The following SETD2 variants were observed in gnomAD, a reference collection of about 807,000 sequenced individuals.
SETD2 encodes the protein SET domain containing 2, histone lysine methyltransferase, also known as histone-lysine N-methyltransferase SETD2.
SETD2 carries 31 observed loss-of-function variants against 242.1 expected under a neutral mutation model. The observed-to-expected ratio is 0.13, with a 90% CI of 0.10 to 0.17. SETD2 has a LOEUF of 0.17. Ranked by LOEUF, SETD2 falls within the 10% of genes least tolerant of loss-of-function variation. SETD2 has a pLI of 1.00. For missense variants in SETD2, 2,481 were observed against 3,046.3 expected (o/e 0.81, Z 4.37); for synonymous variants, 1,006 against 1,066.5 (o/e 0.94, Z 1.11).
chr3:47,035,673 C>G (rs1017596617), intron 18 of SETD2, among the ~76,000 whole-genome samples: 1 of 152,160 alleles, frequency 6.6e-6, no homozygotes, highest in Non-Finnish European at 1.5e-5. Context: ...AGTTACGGTG[C>G]CCATGAACTT....
intron 9 of SETD2, among the ~76,000 whole-genome samples, chr3:47,091,222 G>C (rs924668659): frequency 1.3e-5 from 2 of 152,056 alleles, no homozygotes; most frequent in Admixed American, 6.5e-5. Flanking sequence ...CAAATTCTAC[G>C]GTATTAGATG....
intron 9 of SETD2, among the ~76,000 whole-genome samples, chr3:47,096,526 T>C (rs2042010849): frequency 1.5e-5 from 2 of 135,348 alleles, no homozygotes; most frequent in African/African-American, 6.0e-5. Context: ...GAGCTATGAA[T>C]GCATCACTGA....
chr3:47,048,868 A>T (rs1231105872), intron 15 of SETD2, among the ~76,000 whole-genome samples: 1 of 151,804 alleles, frequency 6.6e-6, no homozygotes, highest in Non-Finnish European at 1.5e-5. Context: ...GGGTTTCACC[A>T]TGTTGGCCAG....
chr3:47,123,953 G>C lies in SETD2; in HGVS notation c.683C>G (p.Pro228Arg), dbSNP rs780263835. 9.0e-6 allele frequency: 14 copies of C among 1,550,782 alleles called. No homozygotes were observed. The South Asian group carries it at 1.5e-4, about 17-fold the overall frequency. ...TCTAACTGCTACATCTACTGGTAAGGGTACTGGTGCTGCCATTAGAACTGT... is the reference window on the plus strand; with the variant it reads ...TCTAACTGCTACATCTACTGGTAAGCGTACTGGTGCTGCCATTAGAACTGT... ...PITVLMAAPV[P>R]LPVDVAVRSL... The change falls in exon 3 of 21, where the codon CCC becomes CGC. Residue 228 changes from proline to arginine, a missense_variant. Transcript: ENST00000409792.
chr3:47,076,306 T>C (rs76080338), intron 12 of SETD2, among the ~76,000 whole-genome samples: 1 of 152,088 alleles, frequency 6.6e-6, no homozygotes, highest in Non-Finnish European at 1.5e-5. Context: ...CAGAAATAAA[T>C]GGAAACCAGA....
chr3:47,154,941 C>A (rs552758263), intron 1 of SETD2, among the ~76,000 whole-genome samples: 34 of 152,058 alleles, frequency 2.2e-4, no homozygotes, highest in Non-Finnish European at 4.4e-4. Context: ...TTGCAGTGAG[C>A]CGAGATCGCA....
intron 1 of SETD2, among the ~76,000 whole-genome samples, chr3:47,153,111 A>T (rs2044034686): frequency 6.6e-6 from 1 of 150,916 alleles, no homozygotes; most frequent in Non-Finnish European, 1.5e-5. Context: ...CTTGAGACCA[A>T]GAGTTCAAGA....
chr3:47,058,457 A>AAC (rs1553684315), intron 14 of SETD2, among the ~76,000 whole-genome samples: 3 of 148,914 alleles, frequency 2.0e-5, no homozygotes, highest in African/African-American at 5.0e-5. Flanking sequence ...AAAAAAAAAA[A>AAC]AAAAAAACAC....
intron 15 of SETD2, among the ~76,000 whole-genome samples, chr3:47,048,810 G>T (rs533305925): frequency 6.6e-6 from 1 of 151,762 alleles, no homozygotes; most frequent in Non-Finnish European, 1.5e-5. Flanking sequence ...TGGGACTACA[G>T]GTGCGTGCCA....
In SETD2 at chr3:47,142,107, G is replaced by C. The variant is rs144641050; in HGVS notation, c.72-15444C>G. Among the ~76,000 whole-genome samples the C allele has an allele frequency of 2.5e-3, 379 of 152,268 alleles. 3 individuals are homozygous for C. The highest frequency in any genetic ancestry group is 8.7e-3 in the African/African-American group (363 of 41,550). ...AAATAAACTGCAAAAGGCTATCTGT[G>C]TGCTAGTAAAAGGTTGTAACAGTGA... On this transcript the variant is annotated intron_variant, in intron 1 of 20. Transcript: ENST00000409792.
chr3:47,143,875 T>C (rs2043792175), intron 1 of SETD2, among the ~76,000 whole-genome samples: 1 of 152,130 alleles, frequency 6.6e-6, no homozygotes, highest in Non-Finnish European at 1.5e-5. Context: ...CACACCCGGC[T>C]AATTTTTTGT....
chr3:47,151,316 GAAT>G (rs2043977285), intron 1 of SETD2, among the ~76,000 whole-genome samples: 1 of 151,774 alleles, frequency 6.6e-6, no homozygotes, highest in Non-Finnish European at 1.5e-5. Flanking sequence ...AAAAATTACA[GAAT>G]TATAAAAATA....
chr3:47,049,888 A>G (rs1163732804), intron 15 of SETD2, among the ~76,000 whole-genome samples: 4 of 127,048 alleles, frequency 3.1e-5, no homozygotes, highest in Admixed American at 8.7e-5. Flanking sequence ...TATAGTATAT[A>G]TTATATATAT....
intron 18 of SETD2, among the ~76,000 whole-genome samples, chr3:47,033,709 T>A (rs2038881784): frequency 7.1e-6 from 1 of 141,060 alleles, no homozygotes; most frequent in African/African-American, 2.6e-5. Context: ...TTGTCCAGGT[T>A]GGAGTGCAGT....
At chr3:47,162,790 C>T (rs1357973973) in intron 1 of SETD2, among the ~76,000 whole-genome samples, 3 of 152,156 alleles carry the variant, frequency 2.0e-5, no homozygotes, top group African/African-American at 4.8e-5. Flanking sequence ...CACCAGCAAA[C>T]GGTGTTTAAG....
intron 1 of SETD2, among the ~76,000 whole-genome samples, chr3:47,147,555 C>A (rs1325079711): frequency 6.6e-6 from 1 of 151,368 alleles, no homozygotes; most frequent in Non-Finnish European, 1.5e-5. Context: ...GTCAGGTGAT[C>A]CACCTGCCTC....
At chr3:47,023,712 C>T (rs2038343042) in intron 18 of SETD2, among the ~76,000 whole-genome samples, 1 of 151,990 alleles carries the variant, frequency 6.6e-6, no homozygotes, top group Admixed American at 6.6e-5. Flanking sequence ...TAAAAAACCC[C>T]AATGCAGTAT....
Position 47,123,735 on chromosome 3 carries a change from T to C in SETD2, c.901A>G (p.Ser301Gly), listed in dbSNP as rs2106711051. Residue 301 changes from serine to glycine, a missense_variant, in exon 3 of 21, where the codon AGC (serine) becomes GGC (glycine). Transcript: ENST00000409792. Reference sequence around the variant, plus strand: ...TTCTTAGAACCTGTTTTTTTACAGCTCAGACTAATCTTAGAACTATCTGGA... The same window carrying C: ...TTCTTAGAACCTGTTTTTTTACAGCCCAGACTAATCTTAGAACTATCTGGA... Reference protein sequence around the residue: ...EIPDSSKISLSCKKTGSKKKS... With the variant: ...EIPDSSKISLGCKKTGSKKKS... 6.4e-7 allele frequency: 1 copy of C among 1,550,918 alleles called. No individual in the cohort carries two copies. The highest frequency in any genetic ancestry group is 8.7e-7 in the Non-Finnish European group (1 of 1,146,738).
At chr3:47,079,466 GA>G (rs2041238024) in intron 12 of SETD2, among the ~76,000 whole-genome samples, 1 of 152,142 alleles carries the variant, frequency 6.6e-6, no homozygotes, top group South Asian at 2.1e-4. Flanking sequence ...GGCAGCAATA[GA>G]AACATGATCA....
Sources: allele counts gnomAD v4.1 joint callset (sites outside exome capture counted in the v4.1 genomes callset), GRCh38; gene constraint gnomAD v4.1.1; transcripts MANE v1.5; gene names NCBI Gene and HGNC (gene_info 2026-07-23, HGNC 2026-07-21).